The following ADD3 variants were observed in gnomAD, a reference collection of about 807,000 sequenced individuals.
The protein encoded by ADD3 is gamma-adducin.
ADD3 carries 25 observed loss-of-function variants against 80.2 expected under a neutral mutation model. The observed-to-expected ratio is 0.31, with a 90% confidence interval of 0.23 to 0.44. The LOEUF (loss-of-function observed/expected upper bound fraction) is 0.44, where lower values mean the gene tolerates loss of function less well. Ranked by LOEUF, ADD3 falls within the 20% of genes least tolerant of loss-of-function variation. ADD3 has a pLI of 1.00. For synonymous variants in ADD3, 284 were observed against 289.6 expected (o/e 0.98, Z 0.20); for missense variants, 829 against 847.5 (o/e 0.98, Z 0.27).
chr10:110,049,359 G>C (rs1210966846), intron 1 of ADD3, among the ~76,000 whole-genome samples: 2 of 152,228 alleles, frequency 1.3e-5, no homozygotes, highest in African/African-American at 4.8e-5. Context: ...TAGTGGAGCT[G>C]TGAGAAGAGG....
At chr10:110,129,206 A>T (rs1214453652) in intron 12 of ADD3, among the ~76,000 whole-genome samples, 5 of 149,270 alleles carry the variant, frequency 3.3e-5, no homozygotes, top group African/African-American at 9.9e-5. Flanking sequence ...CTGGAGCGCA[A>T]TGGCGTGACC....
At chr10:110,093,888 A>G (rs1458965766) in intron 1 of ADD3, among the ~76,000 whole-genome samples, 1 of 152,178 alleles carries the variant, frequency 6.6e-6, no homozygotes, top group Non-Finnish European at 1.5e-5. Flanking sequence ...CCTGTATCTC[A>G]AAATCTTATT....
chr10:110,083,726 A>G lies in ADD3; in HGVS notation c.-29-16899A>G, dbSNP rs1163497761. 3.3e-5 allele frequency among the ~76,000 whole-genome samples: 5 copies of G among 152,048 alleles called. No individual in the cohort carries two copies. The South Asian group carries it at 1.0e-3, about 32-fold the overall frequency. Reference sequence around the variant, plus strand: ...GATGGGACTTCCTGGATGCTTTTTTATTTCCTTGGGGCAGGGACTGAGGAA... The same window carrying G: ...GATGGGACTTCCTGGATGCTTTTTTGTTTCCTTGGGGCAGGGACTGAGGAA... On this transcript the variant is annotated intron_variant, in intron 1 of 14. Coordinates refer to ENST00000356080, the MANE Select transcript of ADD3 (RefSeq NM_016824.5).
intron 1 of ADD3, among the ~76,000 whole-genome samples, chr10:110,097,783 T>C (rs947774468): frequency 5.3e-5 from 8 of 151,386 alleles, no homozygotes; most frequent in Admixed American, 2.6e-4. Context: ...TTTTCTTTTT[T>C]TTTTTTTTTG....
intron 8 of ADD3, 93 bp downstream of exon 8, chr10:110,119,657 G>A: frequency 9.3e-7 from 1 of 1,080,390 alleles, no homozygotes; most frequent in Non-Finnish European, 1.4e-6. Flanking sequence ...ATTAGTTAGT[G>A]GCTTTTTGTC....
intron 1 of ADD3, among the ~76,000 whole-genome samples, chr10:110,042,742 G>T (rs1463995792): frequency 6.8e-6 from 1 of 146,054 alleles, no homozygotes; most frequent in Non-Finnish European, 1.5e-5. Flanking sequence ...GAACCAAATC[G>T]AATTCTCCTG....
At chr10:110,025,323 A>G (rs1313038284) in intron 1 of ADD3, among the ~76,000 whole-genome samples, 3 of 152,010 alleles carry the variant, frequency 2.0e-5, no homozygotes, top group Non-Finnish European at 4.4e-5. Flanking sequence ...TTTAAATTTA[A>G]TAATACTAAT....
intron 1 of ADD3, among the ~76,000 whole-genome samples, chr10:110,013,097 T>C (rs1396543968): frequency 6.6e-6 from 1 of 152,188 alleles, no homozygotes; most frequent in Non-Finnish European, 1.5e-5. Context: ...TTTGGATTTT[T>C]AGGTTTTTGT....
intron 1 of ADD3, among the ~76,000 whole-genome samples, chr10:110,049,812 G>A (rs528890680): frequency 1.1e-4 from 17 of 151,798 alleles, no homozygotes; most frequent in Non-Finnish European, 1.9e-4. Flanking sequence ...GCATGAACCC[G>A]GGAGGCAGAG....
At chr10:110,029,391 G>C (rs1294112138) in intron 1 of ADD3, among the ~76,000 whole-genome samples, 4 of 152,172 alleles carry the variant, frequency 2.6e-5, no homozygotes, top group Non-Finnish European at 4.4e-5. Flanking sequence ...ATGGCATATT[G>C]TTCTTCTTCC....
chr10:110,108,868 T>C (rs994715463), intron 2 of ADD3, among the ~76,000 whole-genome samples: 2 of 152,146 alleles, frequency 1.3e-5, no homozygotes, highest in African/African-American at 4.8e-5. Context: ...TCATATACTT[T>C]GAAAAAAAAT....
Position 110,133,387 on chromosome 10 carries a change from T to C in ADD3, c.1890T>C (p.Asn630=). 6.2e-7 allele frequency: 1 copy of C among 1,610,508 alleles called. No individual in the cohort carries two copies. The change falls in exon 15 of 15, where the codon AAT becomes AAC. Residue 630 remains asparagine (N), a synonymous_variant. Transcript: ENST00000356080. ...TGGAAGTGCCTGTCATGGTAGTAAATGGCAAGGATGATATGCATGATGTTG... is the reference window on the plus strand; with the variant it reads ...TGGAAGTGCCTGTCATGGTAGTAAACGGCAAGGATGATATGCATGATGTTG... ...ISMEVPVMVV[N]GKDDMHDVED... is the part of the protein sequence containing the mutation.
At chr10:110,128,049 A>ATTTTTTTT (rs71486096) in intron 12 of ADD3, among the ~76,000 whole-genome samples, 50 of 105,952 alleles carry the variant, frequency 4.7e-4, no homozygotes, top group Non-Finnish European at 6.1e-4. Context: ...TTTGTTTAGG[A>ATTTTTTTT]TTTTTTTTTT....
At chr10:110,021,724 G>A (rs1408203712) in intron 1 of ADD3, among the ~76,000 whole-genome samples, 1 of 152,142 alleles carries the variant, frequency 6.6e-6, no homozygotes, top group Non-Finnish European at 1.5e-5. Flanking sequence ...ATGGGGAGTG[G>A]CAGCTTAATG....
chr10:110,038,406 A>C (rs937780165), intron 1 of ADD3, among the ~76,000 whole-genome samples: 1 of 152,186 alleles, frequency 6.6e-6, no homozygotes, highest in Non-Finnish European at 1.5e-5. Context: ...GGTTTTAAGA[A>C]CTAGAGCTCA....
At chr10:110,132,060 G>A (rs1853091083) in intron 13 of ADD3, among the ~76,000 whole-genome samples, 1 of 152,222 alleles carries the variant, frequency 6.6e-6, no homozygotes, top group South Asian at 2.1e-4. Context: ...TGGGCTGCCA[G>A]CAGCTGTGCA....
chr10:109,997,016 T>C (rs1851393834), intron 1 of ADD3, among the ~76,000 whole-genome samples: 1 of 152,216 alleles, frequency 6.6e-6, no homozygotes, highest in South Asian at 2.1e-4. Context: ...TGCCATAGAT[T>C]ATATTTCAAG....
At chr10:110,017,151 G>T (rs1853104341) in intron 1 of ADD3, among the ~76,000 whole-genome samples, 3 of 152,250 alleles carry the variant, frequency 2.0e-5, no homozygotes, top group Admixed American at 6.5e-5. Context: ...TTGAGGTCAG[G>T]GCTAATACCC....
intron 1 of ADD3, among the ~76,000 whole-genome samples, chr10:110,050,889 CAAA>C (rs1857442977): frequency 6.6e-6 from 1 of 152,154 alleles, no homozygotes; most frequent in South Asian, 2.1e-4. Context: ...ATATTGCTCT[CAAA>C]TGTGTTTGGA....
Sources: gnomAD v4.1 joint callset for allele counts (sites outside exome capture counted in the v4.1 genomes callset) on GRCh38, gnomAD v4.1.1 for gene constraint, MANE v1.5 for transcripts, NCBI Gene and HGNC (gene_info 2026-07-23, HGNC 2026-07-21) for gene names.